The following CAPN7 variants were observed in gnomAD, a reference collection of about 807,000 sequenced individuals.
The protein encoded by CAPN7 is calpain 7, also known as calpain-7.
Under a neutral mutation model 115.2 loss-of-function variants are expected in CAPN7, and 72 were observed. The observed-to-expected ratio is 0.63, with a 90% CI of 0.52 to 0.76. The LOEUF (loss-of-function observed/expected upper bound fraction) is 0.76, where lower values mean the gene tolerates loss of function less well. CAPN7 is among the 30% of genes least tolerant of loss of function. CAPN7 has a pLI of 0.00. For synonymous variants in CAPN7, 344 were observed against 322.3 expected (o/e 1.07, Z -0.72); for missense variants, 905 against 971.5 (o/e 0.93, Z 0.91).
At chr3:15,216,108 C>T (rs2045234981) in intron 2 of CAPN7, among the ~76,000 whole-genome samples, 1 of 152,034 alleles carries the variant, frequency 6.6e-6, no homozygotes, top group African/African-American at 2.4e-5. Flanking sequence ...AATTCATGTA[C>T]AGATTTTTGC....
At position 15,251,465 on chromosome 3, in the gene CAPN7, T is replaced by G; in HGVS notation, c.*205T>G. ...ACCTAAATCACCTAGAGGTACCGTTTACATGGTTTTGTGTATATAGAGTTG... is the reference window on the plus strand; with the variant it reads ...ACCTAAATCACCTAGAGGTACCGTTGACATGGTTTTGTGTATATAGAGTTG... On this transcript the variant is annotated 3_prime_UTR_variant, in exon 21 of 21. Transcript: ENST00000253693. 1 of 436,190 alleles carries G rather than the reference T, an allele frequency of 2.3e-6. No homozygotes were observed. The highest frequency in any genetic ancestry group is 4.0e-6 in the Non-Finnish European group (1 of 248,000). The allele number at this position is 436,190 out of a possible 1,614,324, so 27.0% of individuals were successfully genotyped here. A position where few individuals can be genotyped will look rare whatever the true frequency, so the allele number is the denominator to read the frequency against.
chr3:15,227,852 A>C lies in CAPN7; in HGVS notation c.739A>C (p.Lys247Gln). 6.5e-7 allele frequency: 1 copy of C among 1,527,020 alleles called. No homozygotes were observed. Among genetic ancestry groups the C allele is most frequent in the African/African-American group, 1.4e-5 (1 of 70,874 alleles). 94.6% of individuals were successfully genotyped at this position (1,527,020 alleles called of 1,614,324 possible). The change falls in exon 7 of 21, where the codon AAG becomes CAG. Residue 247 changes from lysine (K) to glutamine (Q), a missense_variant. Around this residue, in one of 3 missense-constraint regions of CAPN7, gnomAD observed 620 missense variants for 703.4 expected, o/e 0.88. Coordinates refer to ENST00000253693, the MANE Select transcript of CAPN7 (RefSeq NM_014296.3). Reference protein sequence around the residue: ...YPMPFCDRWGKLPLSPKQKTT... With the variant: ...YPMPFCDRWGQLPLSPKQKTT... Reference sequence around the variant, plus strand: ...TTATTACCTCAGTGATAGATGGGGCAAGCTACCATTATCACCTAAACAAAA... The same window carrying C: ...TTATTACCTCAGTGATAGATGGGGCCAGCTACCATTATCACCTAAACAAAA...
intron 12 of CAPN7, 95 bp downstream of exon 12, chr3:15,235,240 C>A: frequency 1.7e-6 from 2 of 1,145,286 alleles, no homozygotes; most frequent in Admixed American, 2.5e-5. Context: ...ACTGACAAAT[C>A]AAGGTTTAAG....
intron 4 of CAPN7, among the ~76,000 whole-genome samples, chr3:15,219,345 C>A (rs1005227358): frequency 2.6e-5 from 4 of 152,182 alleles, no homozygotes; most frequent in African/African-American, 9.7e-5. Context: ...CATGAATTAT[C>A]TCCTTTTGAG....
intron 6 of CAPN7, among the ~76,000 whole-genome samples, chr3:15,224,087 A>G (rs961623940): frequency 1.3e-5 from 2 of 152,198 alleles, no homozygotes; most frequent in African/African-American, 2.4e-5. Context: ...TAATAAGGAC[A>G]CTCATCAAAG....
intron 12 of CAPN7, among the ~76,000 whole-genome samples, chr3:15,238,415 A>G (rs865985037): frequency 8.5e-5 from 13 of 152,084 alleles, no homozygotes; most frequent in Middle Eastern, 3.4e-3. Context: ...CGCCTGGCCA[A>G]TTCTGACTTC....
intron 19 of CAPN7, among the ~76,000 whole-genome samples, chr3:15,248,163 C>T (rs1328528652): frequency 6.6e-6 from 1 of 151,058 alleles, no homozygotes; most frequent in South Asian, 2.1e-4. Context: ...TACCCTAAAA[C>T]TTAAAGTATA....
intron 4 of CAPN7, among the ~76,000 whole-genome samples, chr3:15,219,279 A>G (rs1294178152): frequency 2.0e-5 from 3 of 152,246 alleles, no homozygotes; most frequent in African/African-American, 7.2e-5. Context: ...ATATCTTGAA[A>G]GAGTGTTGTA....
chr3:15,233,836 C>A, intron 10 of CAPN7, 31 bp from the exon 11 acceptor site: 2 of 1,133,700 alleles, frequency 1.8e-6, no homozygotes, highest in African/African-American at 1.5e-5. Context: ...GAAAATGACA[C>A]TGGCAGTCCT....
chr3:15,249,472 G>A (rs1168966930), intron 19 of CAPN7, among the ~76,000 whole-genome samples: 2 of 151,920 alleles, frequency 1.3e-5, no homozygotes, highest in Non-Finnish European at 2.9e-5. Context: ...TTTTGCTGTG[G>A]ACAGGAACTC....
At chr3:15,247,217 C>G (rs1575251867) in intron 18 of CAPN7, 110 bp from the exon 19 acceptor site, 10 of 791,058 alleles carry the variant, frequency 1.3e-5, no homozygotes, top group Admixed American at 3.4e-5. Flanking sequence ...GGGTTGGAGA[C>G]ACAGAGTGGA....
chr3:15,247,739 C>T (rs867830174), intron 19 of CAPN7, among the ~76,000 whole-genome samples: 26 of 152,008 alleles, frequency 1.7e-4, no homozygotes, highest in Middle Eastern at 3.4e-3. Context: ...GATGATAATG[C>T]AGGAAATGTT....
intron 6 of CAPN7, among the ~76,000 whole-genome samples, chr3:15,224,214 A>G (rs1195885622): frequency 6.6e-6 from 1 of 152,058 alleles, no homozygotes; most frequent in Non-Finnish European, 1.5e-5. Flanking sequence ...AAACTGTAGG[A>G]AAAAAAATGT....
rs545851751 is a variant in CAPN7 at position 15,251,205 on chromosome 3, C to G, written c.2387C>G (p.Pro796Arg). The change falls in exon 21 of 21, where the codon CCT becomes CGT. Residue 796 changes from proline (P) to arginine (R), a missense_variant. By Grantham distance (103) the Pro-to-Arg change is moderately radical. Around this residue, in one of 3 missense-constraint regions of CAPN7, gnomAD observed 620 missense variants for 703.4 expected, o/e 0.88. Coordinates refer to ENST00000253693, the MANE Select transcript of CAPN7 (RefSeq NM_014296.3). ...ACCTTTTTGCCTAAACAAGAAGGAC[C>G]TTTTTTCTTGGACTTTAATAGTATT... ...PSTFLPKQEGPFFLDFNSIIP... is the reference protein window; with the variant it reads ...PSTFLPKQEGRFFLDFNSIIP... The G allele has an allele frequency of 6.2e-7, 1 of 1,610,510 alleles. No individual in the cohort carries two copies. Among genetic ancestry groups the G allele is most frequent in the African/African-American group, 1.3e-5 (1 of 74,812 alleles).
intron 11 of CAPN7, among the ~76,000 whole-genome samples, 164 bp from the exon 12 acceptor site, chr3:15,234,856 ATAATT>A (rs1303111285): frequency 2.6e-5 from 4 of 152,162 alleles, no homozygotes; most frequent in Non-Finnish European, 5.9e-5. Flanking sequence ...GAGAAATGTG[ATAATT>A]TATTTTATAT....
chr3:15,206,549 T>C lies in CAPN7; in HGVS notation c.54T>C (p.Val18=), dbSNP rs2124834897. 6.4e-7 allele frequency: 1 copy of C among 1,556,562 alleles called. No individual in the cohort carries two copies. ...CTGTGCAGTTCGCCCGTCTGGCGGT[T>C]CAGCGCGACCACGAAGGCCGCTACT... ...RDAVQFARLA[V]QRDHEGRYSE... is the part of the protein sequence containing the mutation. Residue 18 remains valine, a synonymous_variant, in exon 1 of 21, where the codon GTT becomes GTC. Transcript: ENST00000253693.
intron 7 of CAPN7, 61 bp from the exon 8 acceptor site, chr3:15,228,913 A>G: frequency 1.6e-6 from 2 of 1,238,320 alleles, no homozygotes; most frequent in East Asian, 2.3e-5. Context: ...ATGTACGTAT[A>G]TTGCGGTAAT....
intron 6 of CAPN7, among the ~76,000 whole-genome samples, chr3:15,224,418 A>C (rs1040609299): frequency 6.6e-6 from 1 of 151,972 alleles, no homozygotes; most frequent in African/African-American, 2.4e-5. Flanking sequence ...GACCGCAGGC[A>C]TGCACCATCA....
At position 15,248,473 on chromosome 3, in the gene CAPN7, A is replaced by C. The variant is rs183820805; in HGVS notation, c.2204+1016A>C. Among the ~76,000 whole-genome samples, 10 of 152,314 alleles carry C rather than the reference A, an allele frequency of 6.6e-5. 1 individual carries two copies. In the East Asian group the frequency reaches 1.9e-3, roughly 29 times the overall value. On this transcript the variant is annotated intron_variant, in intron 19 of 20. Transcript: ENST00000253693. ...CTGAAATACTCATGTAAGGATGCACACTAAGGTAGTAAAACTATAAAGCAG... is the reference window on the plus strand; with the variant it reads ...CTGAAATACTCATGTAAGGATGCACCCTAAGGTAGTAAAACTATAAAGCAG...
Sources: allele counts gnomAD v4.1 joint callset (sites outside exome capture counted in the v4.1 genomes callset), GRCh38; gene constraint gnomAD v4.1.1; regional missense constraint gnomAD v4.1.1; transcripts MANE v1.5; gene names NCBI Gene and HGNC (gene_info 2026-07-23, HGNC 2026-07-21).